The following CHST11 variants were observed in gnomAD, a reference collection of about 807,000 sequenced individuals.
CHST11 encodes the protein C4S-1.
A neutral mutation model predicts 30.4 loss-of-function variants in CHST11; 9 were observed. That is an observed-to-expected ratio of 0.30 (90% confidence interval 0.18 to 0.52). The LOEUF is 0.52. Ranked by LOEUF, CHST11 falls within the 20% of genes least tolerant of loss-of-function variation. The pLI is 0.97. For missense variants in CHST11, 348 were observed against 460.6 expected (o/e 0.76, Z 2.24); for synonymous variants, 152 against 187.8 (o/e 0.81, Z 1.56).
intron 2 of CHST11, among the ~76,000 whole-genome samples, chr12:104,610,727 G>A (rs893254534): frequency 6.6e-6 from 1 of 152,192 alleles, no homozygotes; most frequent in Admixed American, 6.5e-5. Flanking sequence ...GGGTGAGAGG[G>A]TGGCGGCAGC....
At chr12:104,735,437 A>G (rs1238057892) in intron 2 of CHST11, among the ~76,000 whole-genome samples, 7 of 152,332 alleles carry the variant, frequency 4.6e-5, no homozygotes, top group African/African-American at 9.6e-5. Flanking sequence ...ACCACGTTCT[A>G]TAAGAGAGAT....
intron 1 of CHST11, among the ~76,000 whole-genome samples, chr12:104,574,533 A>G (rs1201107093): frequency 2.0e-5 from 3 of 152,230 alleles, no homozygotes; most frequent in Non-Finnish European, 2.9e-5. Flanking sequence ...GCAGCCATAA[A>G]AAATGATGAG....
In CHST11 at chr12:104,457,372, G is replaced by T. The variant is rs1336880401; in HGVS notation, c.-40G>T. On this transcript the variant is annotated 5_prime_UTR_variant, in exon 1 of 3. Coordinates refer to ENST00000303694, the MANE Select transcript of CHST11 (RefSeq NM_018413.6). ...GTCCCTGCTCCTGCGCCCCGGGCGCGCTTCCCGGACACCCCGGTCCCCGCA... is the reference window on the plus strand; with the variant it reads ...GTCCCTGCTCCTGCGCCCCGGGCGCTCTTCCCGGACACCCCGGTCCCCGCA... 1 of 1,513,340 alleles carries T rather than the reference G, an allele frequency of 6.6e-7. No individual in the cohort carries two copies. Among genetic ancestry groups the T allele is most frequent in the Non-Finnish European group, 9.2e-7 (1 of 1,092,724 alleles). The allele number at this position is 1,513,340 out of a possible 1,614,324, so 93.7% of individuals were successfully genotyped here.
intron 2 of CHST11, among the ~76,000 whole-genome samples, chr12:104,675,230 A>T (rs543975384): frequency 6.6e-6 from 1 of 152,366 alleles, no homozygotes; most frequent in East Asian, 1.9e-4. Context: ...TCATTATTTT[A>T]AAAAGAGAGG....
intron 2 of CHST11, among the ~76,000 whole-genome samples, chr12:104,734,587 T>C (rs969469996): frequency 6.6e-6 from 1 of 152,150 alleles, no homozygotes; most frequent in African/African-American, 2.4e-5. Flanking sequence ...TGGCCTGTGA[T>C]ATTCCAGTCC....
intron 2 of CHST11, among the ~76,000 whole-genome samples, chr12:104,669,437 A>G (rs919123097): frequency 1.6e-4 from 24 of 151,970 alleles, no homozygotes; most frequent in Admixed American, 8.5e-4. Context: ...TTCCCCCTTG[A>G]AAAGGGATGC....
At chr12:104,477,527 AGGT>A (rs2037575643) in intron 1 of CHST11, among the ~76,000 whole-genome samples, 1 of 152,162 alleles carries the variant, frequency 6.6e-6, no homozygotes, top group Non-Finnish European at 1.5e-5. Flanking sequence ...GGCTCTTAGA[AGGT>A]GGTGGTCTTT....
intron 2 of CHST11, among the ~76,000 whole-genome samples, chr12:104,639,110 G>A (rs765643278): frequency 6.6e-6 from 1 of 152,168 alleles, no homozygotes; most frequent in African/African-American, 2.4e-5. Flanking sequence ...TGTTAGAAAC[G>A]TATGCCATCC....
chr12:104,691,575 A>G (rs897244991), intron 2 of CHST11, among the ~76,000 whole-genome samples: 25 of 148,386 alleles, frequency 1.7e-4, no homozygotes, highest in Admixed American at 1.1e-3. Context: ...GCAACCTCCA[A>G]CTCCCTGGTT....
rs576748116 is a variant in CHST11, at chr12:104,745,341, A to G, written c.205-11608A>G. On this transcript the variant is annotated intron_variant, in intron 2 of 2. Transcript: ENST00000303694. ...CCAGTACCATGCCGTTTCGGTTACT[A>G]TAGCCCTGTAGAATAGCAAGTAGGG... 1.6e-4 allele frequency among the ~76,000 whole-genome samples: 25 copies of G among 152,250 alleles called. 1 individual carries two copies. Among genetic ancestry groups the G allele is most frequent in the African/African-American group, 6.0e-4 (25 of 41,538 alleles).
chr12:104,532,060 C>T (rs910512183), intron 1 of CHST11, among the ~76,000 whole-genome samples: 2 of 152,218 alleles, frequency 1.3e-5, no homozygotes, highest in Admixed American at 6.5e-5. Context: ...CTCTTAATCC[C>T]CACATCATGT....
chr12:104,548,563 C>T (rs556851654), intron 1 of CHST11, among the ~76,000 whole-genome samples: 2 of 152,306 alleles, frequency 1.3e-5, no homozygotes, highest in East Asian at 3.9e-4. Context: ...ACGACACTAA[C>T]AATGTTTAAA....
intron 2 of CHST11, among the ~76,000 whole-genome samples, chr12:104,604,948 C>G (rs1281256203): frequency 2.0e-5 from 3 of 152,104 alleles, no homozygotes; most frequent in Admixed American, 1.3e-4. Context: ...AAGCCCCAAG[C>G]TAGGTTTTAT....
At chr12:104,705,658 C>T (rs1286944207) in intron 2 of CHST11, among the ~76,000 whole-genome samples, 1 of 152,190 alleles carries the variant, frequency 6.6e-6, no homozygotes, top group Non-Finnish European at 1.5e-5. Context: ...CGGTGGCTCA[C>T]ACCTGTGATC....
At chr12:104,515,848 G>A (rs541261311) in intron 1 of CHST11, among the ~76,000 whole-genome samples, 3 of 152,300 alleles carry the variant, frequency 2.0e-5, no homozygotes, top group Admixed American at 6.5e-5. Context: ...GGCAGAGGGC[G>A]AAGCAAGTTC....
chr12:104,728,013 C>T (rs900067846), intron 2 of CHST11, among the ~76,000 whole-genome samples: 8 of 152,140 alleles, frequency 5.3e-5, no homozygotes, highest in Non-Finnish European at 2.9e-5. Flanking sequence ...GGATAAAATC[C>T]AGTGTTGAAA....
intron 2 of CHST11, among the ~76,000 whole-genome samples, chr12:104,618,126 C>G (rs1399950617): frequency 2.6e-5 from 4 of 151,848 alleles, no homozygotes. Context: ...CCAGGCTGGT[C>G]TCGAACTCCT....
chr12:104,594,284 G>A (rs1278317907), intron 1 of CHST11, among the ~76,000 whole-genome samples: 7 of 152,138 alleles, frequency 4.6e-5, no homozygotes, highest in South Asian at 4.2e-4. Flanking sequence ...GTGACCAGAC[G>A]AGGGCTAAGA....
At chr12:104,705,898 C>T (rs532570506) in intron 2 of CHST11, among the ~76,000 whole-genome samples, 20 of 148,786 alleles carry the variant, frequency 1.3e-4, no homozygotes, top group Admixed American at 2.7e-4. Context: ...GGAGACAGAG[C>T]GATACTCTGT....
Sources: gnomAD v4.1 joint callset for allele counts (sites outside exome capture counted in the v4.1 genomes callset) on GRCh38, gnomAD v4.1.1 for gene constraint, MANE v1.5 for transcripts, NCBI Gene and HGNC (gene_info 2026-07-23, HGNC 2026-07-21) for gene names.